The following COLEC12 variants were observed in gnomAD, a reference collection of about 807,000 sequenced individuals.
COLEC12 encodes collectin subfamily member 12.
Under a neutral mutation model 71.1 loss-of-function variants are expected in COLEC12, and 33 were observed. The ratio of observed to expected loss-of-function variants is 0.46; its 90% CI spans 0.35 to 0.62. The LOEUF is 0.62. Ranked by LOEUF, COLEC12 falls within the 20% of genes least tolerant of loss-of-function variation. COLEC12 has a pLI of 0.00. For missense variants in COLEC12, 765 were observed against 916.1 expected (o/e 0.84, Z 2.13); for synonymous variants, 350 against 353.0 (o/e 0.99, Z 0.10).
rs542123109 is a variant in COLEC12 at position 328,830 on chromosome 18, T to C, written c.2063+2838A>G. On this transcript the variant is annotated intron_variant, in intron 8 of 9. Coordinates refer to ENST00000400256, the MANE Select transcript of COLEC12 (RefSeq NM_130386.3). ...TCTAGCATCTAGCTGATGCACTCCC[T>C]CCCTCGGCTGCACTGGCTTTCTTTC... is the stretch of plus-strand genomic sequence containing the variant. Among the ~76,000 whole-genome samples, 241 of 152,332 alleles carry C rather than the reference T, an allele frequency of 1.6e-3. 1 individual carries two copies. Among genetic ancestry groups the C allele is most frequent in the Middle Eastern group, 3.4e-3 (1 of 294 alleles).
chr18:473,441 C>T (rs2143758224), intron 2 of COLEC12, among the ~76,000 whole-genome samples: 1 of 152,344 alleles, frequency 6.6e-6, no homozygotes, highest in Middle Eastern at 3.4e-3. Flanking sequence ...CGGCTCACTG[C>T]AACCTCCGCC....
chr18:343,944 T>C (rs1914314955), intron 5 of COLEC12, among the ~76,000 whole-genome samples: 1 of 152,232 alleles, frequency 6.6e-6, no homozygotes, highest in Non-Finnish European at 1.5e-5. Flanking sequence ...AACATTAACT[T>C]AAACACTCAG....
At chr18:322,375 T>C (rs992506320) in intron 8 of COLEC12, among the ~76,000 whole-genome samples, 3 of 152,226 alleles carry the variant, frequency 2.0e-5, no homozygotes, top group Non-Finnish European at 4.4e-5. Flanking sequence ...GGGTGAGTTG[T>C]AGAAGGTTGA....
chr18:447,601 G>C (rs575103405), intron 2 of COLEC12, among the ~76,000 whole-genome samples: 1 of 152,304 alleles, frequency 6.6e-6, no homozygotes, highest in Non-Finnish European at 1.5e-5. Context: ...TGAGAATCTA[G>C]TACATTGCTC....
intron 2 of COLEC12, among the ~76,000 whole-genome samples, chr18:417,436 T>C (rs959049189): frequency 1.3e-5 from 2 of 152,188 alleles, no homozygotes; most frequent in African/African-American, 4.8e-5. Context: ...ACTATGTGTG[T>C]TTTTTCTTAG....
At chr18:457,614 G>A (rs755711680) in intron 2 of COLEC12, among the ~76,000 whole-genome samples, 1 of 152,194 alleles carries the variant, frequency 6.6e-6, no homozygotes, top group Non-Finnish European at 1.5e-5. Context: ...TTGATGAGCA[G>A]TTGCGAAATG....
chr18:352,493 T>A (rs1310809700), intron 3 of COLEC12, among the ~76,000 whole-genome samples: 1 of 152,130 alleles, frequency 6.6e-6, no homozygotes, highest in Non-Finnish European at 1.5e-5. Flanking sequence ...ACAAAAGGGA[T>A]AAATACATTC....
At position 331,040 on chromosome 18, in the gene COLEC12, C is replaced by T. The variant is rs1228434868; in HGVS notation, c.2063+628G>A. On this transcript the variant is annotated intron_variant, in intron 8 of 9. Coordinates refer to ENST00000400256, the MANE Select transcript of COLEC12 (RefSeq NM_130386.3). The stretch of plus-strand genomic sequence containing the variant: ...CATCACCCGCATGCGCCACCATATC[C>T]GGCTAATTTTTGTTTTTTTTGTTTT... Among the ~76,000 whole-genome samples, 6 of 150,972 alleles carry T rather than the reference C, an allele frequency of 4.0e-5. No individual in the cohort carries two copies. In the Admixed American group the frequency reaches 4.0e-4, roughly 10 times the overall value.
chr18:339,725 G>A (rs1476486148), intron 5 of COLEC12, among the ~76,000 whole-genome samples: 1 of 152,060 alleles, frequency 6.6e-6, no homozygotes, highest in Admixed American at 6.6e-5. Context: ...TCAGATGCTG[G>A]GTTAGGTCAA....
intron 8 of COLEC12, among the ~76,000 whole-genome samples, chr18:325,509 C>T (rs1403513877): frequency 6.6e-6 from 1 of 152,022 alleles, no homozygotes; most frequent in South Asian, 2.1e-4. Flanking sequence ...GGGCAAGTAC[C>T]CAGGTCCCGT....
chr18:359,943 G>C (rs1567883994), intron 2 of COLEC12, among the ~76,000 whole-genome samples: 1 of 152,208 alleles, frequency 6.6e-6, no homozygotes, highest in Non-Finnish European at 1.5e-5. Context: ...AAAATGATGA[G>C]AGAAACAGCA....
chr18:478,419 C>T (rs1917345052), intron 2 of COLEC12, among the ~76,000 whole-genome samples: 1 of 152,094 alleles, frequency 6.6e-6, no homozygotes, highest in Non-Finnish European at 1.5e-5. Flanking sequence ...TCAAGACCAG[C>T]TGGGGCAAGA....
At chr18:495,516 C>A (rs1917694476) in intron 1 of COLEC12, among the ~76,000 whole-genome samples, 1 of 152,196 alleles carries the variant, frequency 6.6e-6, no homozygotes, top group South Asian at 2.1e-4. Flanking sequence ...AGCAAAACCT[C>A]CCAGAAGATA....
intron 1 of COLEC12, among the ~76,000 whole-genome samples, chr18:484,899 G>C (rs1366451064): frequency 3.3e-5 from 5 of 152,180 alleles, no homozygotes; most frequent in Non-Finnish European, 7.3e-5. Context: ...AGAACAGTTG[G>C]GTGTTTAGGG....
rs545069336 is a variant in COLEC12, at chr18:388,550, T to C, written c.59-31028A>G. Among the ~76,000 whole-genome samples, 5 of 152,344 alleles carry C rather than the reference T, an allele frequency of 3.3e-5. No individual in the cohort carries two copies. The East Asian group carries it at 5.8e-4, about 18-fold the overall frequency. ...CTGTATGCGCATGGGTCTCTCCAAA[T>C]GCCAACCACACATCAGTGATGTTTG... is the stretch of plus-strand genomic sequence containing the variant. On this transcript the variant is annotated intron_variant, in intron 2 of 9. Transcript: ENST00000400256.
intron 2 of COLEC12, among the ~76,000 whole-genome samples, chr18:368,736 G>T (rs771482271): frequency 4.0e-5 from 6 of 151,350 alleles, no homozygotes; most frequent in Non-Finnish European, 5.9e-5. Flanking sequence ...CGTGGTGGCG[G>T]GCGCCTGTAG....
At chr18:353,072 C>G (rs71352937) in intron 3 of COLEC12, among the ~76,000 whole-genome samples, 31,633 of 152,010 alleles carry the variant, frequency 0.21, 3,680 homozygotes, top group Middle Eastern at 0.36. Flanking sequence ...ACAATAAAAC[C>G]TTTTTTATAA....
intron 2 of COLEC12, among the ~76,000 whole-genome samples, chr18:422,835 T>C (rs1053284109): frequency 5.3e-5 from 8 of 152,192 alleles, no homozygotes; most frequent in Admixed American, 4.6e-4. Context: ...AAAATTATAC[T>C]AATGCTCTCT....
At chr18:378,215 C>T (rs2143552806) in intron 2 of COLEC12, among the ~76,000 whole-genome samples, 1 of 152,210 alleles carries the variant, frequency 6.6e-6, no homozygotes, top group South Asian at 2.1e-4. Context: ...AACACATTTC[C>T]CAGTGTTGGC....
Sources: allele counts gnomAD v4.1 joint callset (sites outside exome capture counted in the v4.1 genomes callset), GRCh38; gene constraint gnomAD v4.1.1; transcripts MANE v1.5; gene names NCBI Gene and HGNC (gene_info 2026-07-23, HGNC 2026-07-21).